Variants in TANC2 observed in about 807,000 individuals in gnomAD.
The protein encoded by TANC2 is tetratricopeptide repeat, ankyrin repeat and coiled-coil containing 2, also known as protein TANC2.
TANC2 carries 26 observed loss-of-function variants against 210.5 expected under a neutral mutation model. That is an observed-to-expected ratio of 0.12 (90% CI 0.09 to 0.17). The LOEUF (loss-of-function observed/expected upper bound fraction) is 0.17, where lower values mean the gene tolerates loss of function less well. TANC2 is among the 10% of genes least tolerant of loss of function. TANC2 has a pLI of 1.00. For synonymous variants in TANC2, 931 were observed against 967.1 expected, an observed-to-expected ratio of 0.96 and a Z score of 0.69; for missense variants, 2,129 against 2,608.9, an observed-to-expected ratio of 0.82 and a Z score of 4.01.
intron 3 of TANC2, among the ~76,000 whole-genome samples, chr17:63,078,762 A>G (rs2036660053): frequency 6.6e-6 from 1 of 152,126 alleles, no homozygotes; most frequent in African/African-American, 2.4e-5. Flanking sequence ...AACTTTCTGT[A>G]GGTTGAATCA....
intron 4 of TANC2, among the ~76,000 whole-genome samples, chr17:63,100,683 T>A (rs934124810): frequency 1.3e-5 from 2 of 152,180 alleles, no homozygotes; most frequent in Non-Finnish European, 2.9e-5. Flanking sequence ...GAAAAAATAG[T>A]AAGTCCAGTT....
intron 15 of TANC2, among the ~76,000 whole-genome samples, chr17:63,387,241 C>A (rs933041189): frequency 2.6e-5 from 4 of 152,100 alleles, no homozygotes; most frequent in Non-Finnish European, 5.9e-5. Context: ...GTGCCTGTGT[C>A]GGAAAAGCCT....
At chr17:63,053,304 C>T (rs1057210847) in intron 2 of TANC2, among the ~76,000 whole-genome samples, 24 of 152,210 alleles carry the variant, frequency 1.6e-4, no homozygotes, top group Non-Finnish European at 1.9e-4. Context: ...CGGGTTTCAC[C>T]CCTGCCACTC....
At chr17:63,270,447 A>G (rs1281709694) in intron 9 of TANC2, among the ~76,000 whole-genome samples, 1 of 152,160 alleles carries the variant, frequency 6.6e-6, no homozygotes, top group Non-Finnish European at 1.5e-5. Context: ...AACATGTCAC[A>G]TCATGCTTTC....
intron 3 of TANC2, among the ~76,000 whole-genome samples, chr17:63,084,603 A>G (rs1055656588): frequency 4.6e-5 from 7 of 151,866 alleles, no homozygotes; most frequent in African/African-American, 1.5e-4. Context: ...TATTGATTTT[A>G]GATCTTTCTT....
chr17:63,048,478 T>C (rs768297257), intron 2 of TANC2, among the ~76,000 whole-genome samples: 7 of 152,206 alleles, frequency 4.6e-5, no homozygotes, highest in Non-Finnish European at 8.8e-5. Context: ...TTGATTTTTG[T>C]ATATGGTGTA....
intron 3 of TANC2, 35 bp from the exon 4 acceptor site, chr17:63,099,140 C>T: frequency 6.3e-7 from 1 of 1,596,926 alleles, no homozygotes; most frequent in Non-Finnish European, 8.6e-7. Flanking sequence ...AGGATCTTTT[C>T]TCACCAGCTC....
Position 63,054,549 on chromosome 17 carries a change from T to A in TANC2, c.68-19394T>A, listed in dbSNP as rs576753345. 2.0e-5 allele frequency among the ~76,000 whole-genome samples: 3 copies of A among 150,770 alleles called. No individual in the cohort carries two copies. The South Asian group carries it at 6.3e-4, about 32-fold the overall frequency. ...ACCATGCCCAGCTAATTTTTGTATT[T>A]TTTTTTTTTTTTTAGTAGAAATGGA... is the stretch of plus-strand genomic sequence containing the variant. On this transcript the variant is annotated intron_variant, in intron 2 of 27. Transcript: ENST00000689528.
At chr17:62,984,420 T>G (rs2032464273) in intron 1 of TANC2, among the ~76,000 whole-genome samples, 1 of 152,048 alleles carries the variant, frequency 6.6e-6, no homozygotes, top group Admixed American at 6.5e-5. Context: ...CAAATTTTTG[T>G]CTCATTGATC....
exon 14 of TANC2, chr17:63,354,790 C>G: frequency 6.4e-7 from 1 of 1,561,030 alleles, no homozygotes; most frequent in African/African-American, 1.4e-5. Context: ...TAGGAAATTA[C>G]CAAGCTGCTG....
At position 63,412,018 on chromosome 17, in the gene TANC2, T is replaced by C. The variant is rs2048719439; in HGVS notation, c.3786T>C (p.His1262=). Residue 1262 remains histidine, a synonymous_variant, in exon 23 of 28, where the codon CAT becomes CAC. Transcript: ENST00000689528. This position sits in a 1 kb window ranked among gnomAD's most constrained non-coding sequence, Gnocchi z 4.2. ...CCTAGGTCCAGTTCCTGGTAGATCA[T>C]GGGGCCATGATCGAGCACGTTGACT... The C allele has an allele frequency of 1.2e-6, 2 of 1,613,878 alleles. No homozygotes were observed. The highest frequency in any genetic ancestry group is 1.7e-6 in the Non-Finnish European group (2 of 1,179,856).
At chr17:63,120,621 C>T (rs1409602745) in intron 4 of TANC2, 4 of 151,942 alleles carry the variant, frequency 2.6e-5, no homozygotes, top group South Asian at 2.1e-4. Context: ...GGAGACCAGC[C>T]TGGGCAAATG....
Position 63,420,304 on chromosome 17 carries a change from A to G in TANC2, c.4574A>G (p.Gln1525Arg), listed in dbSNP as rs1232644172. ...CCCAGCCAGGGGCTCCCGGTCATCCAGAGCCCACCCTCCTCTCCCCCGCAT... is the reference window on the plus strand; with the variant it reads ...CCCAGCCAGGGGCTCCCGGTCATCCGGAGCCCACCCTCCTCTCCCCCGCAT... The change falls in exon 28 of 28, where the codon CAG (glutamine) becomes CGG (arginine). Residue 1525 changes from glutamine (Q) to arginine (R), a missense_variant. Gln to Arg is a conservative substitution (Grantham distance 43, BLOSUM62 1). Around this residue, in one of 5 missense-constraint regions of TANC2, gnomAD observed 584 missense variants for 627.3 expected, o/e 0.93. Transcript: ENST00000689528. The surrounding 1 kb of genome is among the most constrained non-coding windows in gnomAD (Gnocchi z 4.2). 1 of 1,613,934 alleles carries G rather than the reference A, an allele frequency of 6.2e-7. No homozygotes were observed. Among genetic ancestry groups the G allele is most frequent in the African/African-American group, 1.3e-5 (1 of 75,034 alleles).
intron 2 of TANC2, among the ~76,000 whole-genome samples, chr17:63,058,598 A>C (rs1044814287): frequency 2.6e-4 from 40 of 152,202 alleles, no homozygotes; most frequent in East Asian, 5.8e-4. Flanking sequence ...TGATTTTTGT[A>C]TATGGTGTAA....
At chr17:63,037,269 A>C (rs1460187291) in intron 2 of TANC2, among the ~76,000 whole-genome samples, 1 of 152,130 alleles carries the variant, frequency 6.6e-6, no homozygotes, top group African/African-American at 2.4e-5. Flanking sequence ...AGTATACAGC[A>C]GTAGATATGC....
rs566451835 is a variant in TANC2 at position 63,331,258 on chromosome 17, T to C, written c.1576-8843T>C. On this transcript the variant is annotated intron_variant, in intron 11 of 27. Coordinates refer to ENST00000689528, the Ensembl canonical transcript of TANC2. ...TATTTGCAACTTTTTGATATATAAA[T>C]AACATTGTGATCCATACCTTCATTC... 2.6e-5 allele frequency among the ~76,000 whole-genome samples: 4 copies of C among 152,374 alleles called. No homozygotes were observed. In the East Asian group the frequency reaches 7.7e-4, roughly 29 times the overall value.
chr17:63,346,451 C>T (rs1247094615), intron 12 of TANC2, among the ~76,000 whole-genome samples: 1 of 152,152 alleles, frequency 6.6e-6, no homozygotes, highest in African/African-American at 2.4e-5. Context: ...GATTTAGACA[C>T]TTTACAAAAG....
intron 2 of TANC2, among the ~76,000 whole-genome samples, chr17:63,062,178 C>A (rs1281247455): frequency 6.6e-6 from 1 of 151,940 alleles, no homozygotes; most frequent in Non-Finnish European, 1.5e-5. Context: ...GACCCTGATG[C>A]TTTCTTGTTG....
At chr17:63,262,785 A>G (rs2146237653) in intron 8 of TANC2, among the ~76,000 whole-genome samples, 1 of 152,250 alleles carries the variant, frequency 6.6e-6, no homozygotes, top group Non-Finnish European at 1.5e-5. Context: ...TCAACCCCCA[A>G]AAAAGAAAGA....
Sources: allele counts gnomAD v4.1 joint callset (sites outside exome capture counted in the v4.1 genomes callset), GRCh38; gene constraint gnomAD v4.1.1; regional missense constraint gnomAD v4.1.1; non-coding constraint Gnocchi (gnomAD v3.1); transcripts MANE v1.5; gene names NCBI Gene and HGNC (gene_info 2026-07-23, HGNC 2026-07-21).